Variants in DLGAP2 observed in about 807,000 individuals in gnomAD.
The protein encoded by DLGAP2 is DLG associated protein 2.
A neutral mutation model predicts 100.3 loss-of-function variants in DLGAP2; 26 were observed. That is an observed-to-expected ratio of 0.26 (90% CI 0.19 to 0.36). The LOEUF is 0.36. Ranked by LOEUF, DLGAP2 falls within the 10% of genes least tolerant of loss-of-function variation. The probability of loss-of-function intolerance (pLI) is 1.00; values close to 1 mark genes in which losing one functional copy is unlikely to be tolerated. For synonymous variants in DLGAP2, 886 were observed against 630.1 expected, an observed-to-expected ratio of 1.41 and a Z score of -6.08; for missense variants, 1,858 against 1,453.2, an observed-to-expected ratio of 1.28 and a Z score of -4.53.
At chr8:1,506,615 A>T (rs1009353368) in intron 4 of DLGAP2, among the ~76,000 whole-genome samples, 4 of 152,198 alleles carry the variant, frequency 2.6e-5, no homozygotes, top group Non-Finnish European at 5.9e-5. Flanking sequence ...GCAGGTTGCC[A>T]GTGCCGGCTC....
intron 2 of DLGAP2, among the ~76,000 whole-genome samples, chr8:971,267 C>G (rs938713098): frequency 2.4e-4 from 36 of 152,120 alleles, no homozygotes; most frequent in African/African-American, 8.2e-4. Context: ...ACTAATAACC[C>G]AACTGAAAAG....
Position 1,168,847 on chromosome 8 carries a change from T to C in DLGAP2, c.74-90004T>C, listed in dbSNP as rs1797070405. On this transcript the variant is annotated intron_variant, in intron 2 of 14. Coordinates refer to ENST00000637795, the MANE Select transcript of DLGAP2 (RefSeq NM_001346810.2). ...GTTGTAGGTTGCCTGTTCACTCTGATGGTAGTTTCTTTTGCTGTGCAGAAG... is the reference window on the plus strand; with the variant it reads ...GTTGTAGGTTGCCTGTTCACTCTGACGGTAGTTTCTTTTGCTGTGCAGAAG... Among the ~76,000 whole-genome samples, 2 of 94,658 alleles carry C rather than the reference T, an allele frequency of 2.1e-5. 1 individual carries two copies. Among genetic ancestry groups the C allele is most frequent in the Non-Finnish European group, 4.5e-5 (2 of 44,630 alleles). 62.1% of individuals were successfully genotyped at this position (94,658 alleles called of 152,430 possible).
intron 2 of DLGAP2, among the ~76,000 whole-genome samples, chr8:981,291 A>G (rs1219796201): frequency 6.6e-6 from 1 of 152,130 alleles, no homozygotes; most frequent in Non-Finnish European, 1.5e-5. Context: ...CCTTGTAGGC[A>G]TAGACCATAT....
At chr8:1,425,344 G>C (rs1420900406) in intron 3 of DLGAP2, among the ~76,000 whole-genome samples, 1 of 152,322 alleles carries the variant, frequency 6.6e-6, no homozygotes, top group South Asian at 2.1e-4. Context: ...AGGGGACCTG[G>C]TGTTAACATC....
intron 2 of DLGAP2, among the ~76,000 whole-genome samples, chr8:1,161,356 C>T (rs1796885245): frequency 6.6e-6 from 1 of 152,146 alleles, no homozygotes; most frequent in Non-Finnish European, 1.5e-5. Context: ...TAACGTTTTA[C>T]AGGCAGGTGG....
chr8:1,614,643 G>A (rs944369001), intron 6 of DLGAP2, among the ~76,000 whole-genome samples: 2 of 152,218 alleles, frequency 1.3e-5, no homozygotes, highest in Non-Finnish European at 2.9e-5. Context: ...CTGCAGTGCT[G>A]GGCTCCCCAA....
chr8:1,636,767 G>C (rs1206369991), intron 8 of DLGAP2, among the ~76,000 whole-genome samples: 1 of 152,190 alleles, frequency 6.6e-6, no homozygotes, highest in Non-Finnish European at 1.5e-5. Flanking sequence ...CTGTGTAACT[G>C]ATATGCAAGT....
At chr8:1,373,378 G>C (rs1802298870) in intron 3 of DLGAP2, among the ~76,000 whole-genome samples, 1 of 152,098 alleles carries the variant, frequency 6.6e-6, no homozygotes, top group Non-Finnish European at 1.5e-5. Flanking sequence ...GGCAGCGCCA[G>C]ACGCAGAGCC....
intron 2 of DLGAP2, among the ~76,000 whole-genome samples, chr8:912,158 A>G (rs1179487693): frequency 5.9e-5 from 9 of 152,232 alleles, no homozygotes; most frequent in Admixed American, 5.9e-4. Context: ...ATATGGCAGC[A>G]GTAATTACCC....
At chr8:1,063,840 G>A (rs1803163005) in intron 2 of DLGAP2, among the ~76,000 whole-genome samples, 1 of 152,208 alleles carries the variant, frequency 6.6e-6, no homozygotes, top group African/African-American at 2.4e-5. Flanking sequence ...GAGGTTTAGT[G>A]TTAAAATGGT....
intron 3 of DLGAP2, among the ~76,000 whole-genome samples, chr8:1,337,147 AATGATGGTGATG>A (rs1801293440): frequency 6.8e-6 from 1 of 145,990 alleles, no homozygotes; most frequent in African/African-American, 2.6e-5. Context: ...TGGTGGTGAG[AATGATGGTGATG>A]ATGGTGGTGA....
At chr8:1,386,991 T>G (rs1218009301) in intron 3 of DLGAP2, among the ~76,000 whole-genome samples, 2 of 152,328 alleles carry the variant, frequency 1.3e-5, no homozygotes, top group African/African-American at 4.8e-5. Context: ...GAATAATGTT[T>G]ACCTAAAAAT....
chr8:1,102,160 A>C (rs2701922), intron 2 of DLGAP2, among the ~76,000 whole-genome samples: 3,372 of 149,586 alleles, frequency 0.023, 143 homozygotes, highest in African/African-American at 0.079. Context: ...ATATATATTC[A>C]AGCTTTTACT....
Position 1,549,255 on chromosome 8 carries a change from C to T in DLGAP2, c.802C>T (p.His268Tyr), listed in dbSNP as rs1801671342. ...GGACGGCCGGGCGGACGACCACCAC[C>T]ACGCCCACCACGCCAAGCACAGCAA... is the stretch of plus-strand genomic sequence containing the variant. ...KADGRADDHHHAHHAKHSKRS... is the reference protein window; with the variant it reads ...KADGRADDHHYAHHAKHSKRS... The change falls in exon 5 of 15, where the codon CAC (histidine) becomes TAC (tyrosine). Residue 268 changes from histidine to tyrosine, a missense_variant. Transcript: ENST00000637795. The T allele has an allele frequency of 6.2e-7, 1 of 1,609,950 alleles. No individual in the cohort carries two copies. The highest frequency in any genetic ancestry group is 1.1e-5 in the South Asian group (1 of 90,866).
chr8:859,377 G>C (rs1051942068), intron 1 of DLGAP2, among the ~76,000 whole-genome samples: 2 of 152,292 alleles, frequency 1.3e-5, no homozygotes, highest in East Asian at 3.9e-4. Flanking sequence ...CTCCCAAAGG[G>C]CTGGGATTAC....
At chr8:1,324,359 G>C (rs1257577429) in intron 3 of DLGAP2, among the ~76,000 whole-genome samples, 1 of 152,164 alleles carries the variant, frequency 6.6e-6, no homozygotes, top group Non-Finnish European at 1.5e-5. Flanking sequence ...TTAGTCCTGA[G>C]TTTGACTTTA....
intron 2 of DLGAP2, among the ~76,000 whole-genome samples, chr8:966,833 G>T (rs769038783): frequency 6.6e-6 from 1 of 152,084 alleles, no homozygotes; most frequent in Non-Finnish European, 1.5e-5. Context: ...TTATTTCCAC[G>T]CCTGTAAAAT....
chr8:870,652 T>A (rs1274879076), intron 1 of DLGAP2, among the ~76,000 whole-genome samples: 1 of 152,096 alleles, frequency 6.6e-6, no homozygotes, highest in African/African-American at 2.4e-5. Context: ...ATGGCCCTAA[T>A]CCAGACTATT....
chr8:1,481,471 C>CTTTTTTTTT (rs1165790168), intron 3 of DLGAP2, among the ~76,000 whole-genome samples: 112 of 43,660 alleles, frequency 2.6e-3, no homozygotes, highest in Non-Finnish European at 2.9e-3. Flanking sequence ...TTTTCTTTTT[C>CTTTTTTTTT]TTTTTTTTTT....
Sources: gnomAD v4.1 joint callset for allele counts (sites outside exome capture counted in the v4.1 genomes callset) on GRCh38, gnomAD v4.1.1 for gene constraint, MANE v1.5 for transcripts, NCBI Gene and HGNC (gene_info 2026-07-23, HGNC 2026-07-21) for gene names.